PAX8: variants seen among roughly 807,000 people sequenced by gnomAD.
PAX8 encodes the protein paired box protein Pax-8.
PAX8 carries 15 observed loss-of-function variants against 52.4 expected under a neutral mutation model. That is an observed-to-expected ratio of 0.29 (90% CI 0.19 to 0.44). The LOEUF (loss-of-function observed/expected upper bound fraction) is 0.44, where lower values mean the gene tolerates loss of function less well. PAX8 is among the 20% of genes least tolerant of loss of function. The pLI is 1.00. For synonymous variants in PAX8, 284 were observed against 249.7 expected (o/e 1.14, Z -1.29); for missense variants, 554 against 602.5 (o/e 0.92, Z 0.84).
intron 2 of PAX8, 88 bp from the exon 3 acceptor site, chr2:113,247,007 G>A: frequency 8.0e-7 from 1 of 1,243,472 alleles, no homozygotes; most frequent in Non-Finnish European, 1.2e-6. Flanking sequence ...GCTGGTGTGT[G>A]TGTGTGTGTT....
chr2:113,253,791 G>A (rs1691976635), intron 2 of PAX8, among the ~76,000 whole-genome samples: 1 of 152,110 alleles, frequency 6.6e-6, no homozygotes, highest in Non-Finnish European at 1.5e-5. Flanking sequence ...AAATATAACT[G>A]CTGTTTGGAA....
intron 9 of PAX8, among the ~76,000 whole-genome samples, chr2:113,234,086 G>T (rs565742384): frequency 1.3e-5 from 2 of 152,350 alleles, no homozygotes; most frequent in African/African-American, 4.8e-5. Context: ...AGACAGTGCC[G>T]CTATTAAAGA....
chr2:113,242,407 G>T (rs1478623357), intron 5 of PAX8, among the ~76,000 whole-genome samples: 1 of 152,140 alleles, frequency 6.6e-6, no homozygotes, highest in African/African-American at 2.4e-5. Context: ...GAGCCCTGGA[G>T]GGGCTCAGGT....
chr2:113,260,013 A>G (rs1417949467), intron 2 of PAX8, among the ~76,000 whole-genome samples: 1 of 152,240 alleles, frequency 6.6e-6, no homozygotes, highest in Non-Finnish European at 1.5e-5. Context: ...CCCTGAGGTC[A>G]GAGGCCTGTG....
intron 9 of PAX8, among the ~76,000 whole-genome samples, chr2:113,229,463 G>A (rs147153957): frequency 4.6e-5 from 7 of 152,284 alleles, no homozygotes; most frequent in South Asian, 4.1e-4. Context: ...GTTTAAAACC[G>A]TGTGAATGTT....
At chr2:113,229,664 A>G (rs762007025) in intron 9 of PAX8, among the ~76,000 whole-genome samples, 1 of 152,250 alleles carries the variant, frequency 6.6e-6, no homozygotes, top group Admixed American at 6.5e-5. Flanking sequence ...ATTTTAAGAT[A>G]TTTAGACGCA....
In PAX8 at chr2:113,260,878, T is replaced by TTGTGTG. The variant is rs34240850; in HGVS notation, c.26-13965_26-13960dup. Among the ~76,000 whole-genome samples the TTGTGTG allele has an allele frequency of 3.8e-3, 562 of 148,188 alleles. 1 individual carries two copies. The highest frequency in any genetic ancestry group is 5.3e-3 in the Non-Finnish European group (352 of 66,866). ...TAGAGAGAGAGAGAGAGTGACTGTT[T>TTGTGTG]TGTGTGTGTGTGTGTGTGTGTATGT... On this transcript the variant is annotated intron_variant, in intron 2 of 11. Transcript: ENST00000429538.
At chr2:113,257,447 C>T (rs2104551504) in intron 2 of PAX8, among the ~76,000 whole-genome samples, 1 of 152,314 alleles carries the variant, frequency 6.6e-6, no homozygotes, top group South Asian at 2.1e-4. Flanking sequence ...CTCTGAGGCT[C>T]AGGCAGATAT....
intron 10 of PAX8, chr2:113,226,086 A>G: frequency 3.0e-6 from 3 of 985,534 alleles, no homozygotes; most frequent in Non-Finnish European, 3.6e-6. Context: ...AGCACAGAGC[A>G]TTTCTCCCTC....
At chr2:113,254,049 A>G (rs1692002154) in intron 2 of PAX8, among the ~76,000 whole-genome samples, 1 of 152,228 alleles carries the variant, frequency 6.6e-6, no homozygotes, top group Non-Finnish European at 1.5e-5. Context: ...AACATGTCAC[A>G]TGAATCAACT....
chr2:113,241,856 AG>A, intron 6 of PAX8, 130 bp from the exon 7 acceptor site: 1 of 1,421,678 alleles, frequency 7.0e-7, no homozygotes, highest in Non-Finnish European at 9.8e-7. Context: ...TGGGCCCAGG[AG>A]CCTTGGCCAA....
At chr2:113,273,630 C>T (rs1693614882) in intron 2 of PAX8, 1 of 152,064 alleles carries the variant, frequency 6.6e-6, no homozygotes, top group Non-Finnish European at 1.5e-5. Flanking sequence ...TTTAAACATC[C>T]CCCTCCCCAA....
rs1689089609 is a variant in PAX8 at position 113,218,147 on chromosome 2, T to G, written c.*386A>C. The G allele has an allele frequency of 7.9e-6, 2 of 253,670 alleles. No homozygotes were observed. Among genetic ancestry groups the G allele is most frequent in the Non-Finnish European group, 1.5e-5 (2 of 132,644 alleles). 15.7% of individuals were successfully genotyped at this position (253,670 alleles called of 1,614,324 possible). On this transcript the variant is annotated 3_prime_UTR_variant, in exon 12 of 12. Coordinates refer to ENST00000429538, the MANE Select transcript of PAX8 (RefSeq NM_003466.4). ...TAGAGTTGTGTTAATAATGGAGCCA[T>G]GGAGGTGCCCTGTGCACCCCTTGGG...
At chr2:113,226,952 T>C in intron 10 of PAX8, 2 of 1,487,214 alleles carry the variant, frequency 1.3e-6, no homozygotes, top group South Asian at 2.5e-5. Flanking sequence ...GAGGCCGAGC[T>C]GGGGCAAGTT....
rs1315722188 is a variant in PAX8 at position 113,246,638 on chromosome 2, T to A, written c.191+116A>T. ...ACTGTTCAGGTCTCAGGACCAAAGC[T>A]GGACATTGGGAGCAAATCCCCGTTC... On this transcript the variant is annotated intron_variant, in intron 3 of 11. Coordinates refer to ENST00000429538, the MANE Select transcript of PAX8 (RefSeq NM_003466.4). 7 of 1,185,634 alleles carry A rather than the reference T, an allele frequency of 5.9e-6. No homozygotes were observed. The African/African-American group carries it at 1.0e-4, about 18-fold the overall frequency. 73.4% of individuals were successfully genotyped at this position (1,185,634 alleles called of 1,614,324 possible).
At chr2:113,242,598 G>T (rs1690953159) in intron 5 of PAX8, 92 bp downstream of exon 5, 1 of 858,278 alleles carries the variant, frequency 1.2e-6, no homozygotes, top group Admixed American at 1.7e-5. Flanking sequence ...GTCTGTGTGG[G>T]TGTGTCTGTG....
chr2:113,242,496 C>A (rs530512754), intron 5 of PAX8, among the ~76,000 whole-genome samples, 194 bp downstream of exon 5: 1 of 152,254 alleles, frequency 6.6e-6, no homozygotes, highest in Non-Finnish European at 1.5e-5. Context: ...CTCCATAGTT[C>A]AGTGAATCTG....
intron 10 of PAX8, among the ~76,000 whole-genome samples, chr2:113,222,882 T>C (rs1226424343): frequency 6.6e-6 from 1 of 151,966 alleles, no homozygotes; most frequent in Non-Finnish European, 1.5e-5. Context: ...AGCTCATCCC[T>C]GTCTCATGCC....
intron 10 of PAX8, chr2:113,226,154 A>G (rs1689557440): frequency 4.1e-6 from 4 of 985,256 alleles, no homozygotes; most frequent in Non-Finnish European, 4.8e-6. Context: ...CTGCCTCTGC[A>G]TAGGGTGCCC....
Sources: allele counts gnomAD v4.1 joint callset (sites outside exome capture counted in the v4.1 genomes callset), GRCh38; gene constraint gnomAD v4.1.1; transcripts MANE v1.5; gene names NCBI Gene and HGNC (gene_info 2026-07-23, HGNC 2026-07-21).